Variants in PTDSS2 observed in about 807,000 individuals in gnomAD.
PTDSS2 encodes the protein phosphatidylserine synthase 2.
Under a neutral mutation model 64.7 loss-of-function variants are expected in PTDSS2, and 41 were observed. That is an observed-to-expected ratio of 0.63 (90% CI 0.49 to 0.82). The LOEUF (loss-of-function observed/expected upper bound fraction) is 0.82, where lower values mean the gene tolerates loss of function less well. Among genes scored for constraint, PTDSS2 ranks in the 40% least tolerant of loss-of-function variants. PTDSS2 has a pLI of 0.00. For missense variants in PTDSS2, 485 were observed against 650.0 expected (o/e 0.75, Z 2.76); for synonymous variants, 297 against 277.8 (o/e 1.07, Z -0.69).
At chr11:481,399 AT>A (rs1848065853) in intron 4 of PTDSS2, among the ~76,000 whole-genome samples, 1 of 152,156 alleles carries the variant, frequency 6.6e-6, no homozygotes, top group Admixed American at 6.5e-5. Flanking sequence ...AACAGGTGGA[AT>A]TTTTTATGGG....
At position 462,511 on chromosome 11, in the gene PTDSS2, A is replaced by T. The variant is rs1846938705; in HGVS notation, c.284+2223A>T. On this transcript the variant is annotated intron_variant, in intron 2 of 11. Transcript: ENST00000308020. This position sits in a 1 kb window ranked among gnomAD's most constrained non-coding sequence, Gnocchi z 4.5. ...CCTCTTTGAGGGCACAAAAGAAGCC[A>T]CCTGTCCTTCTCTGCTGCTGGCACC... Among the ~76,000 whole-genome samples, 1 of 152,136 alleles carries T rather than the reference A, an allele frequency of 6.6e-6. No homozygotes were observed. Among genetic ancestry groups the T allele is most frequent in the South Asian group, 2.1e-4 (1 of 4,824 alleles).
In PTDSS2 at chr11:460,094, C is replaced by T; in HGVS notation, c.183-93C>T. 1 of 980,206 alleles carries T rather than the reference C, an allele frequency of 1.0e-6. No homozygotes were observed. The highest frequency in any genetic ancestry group is 1.6e-6 in the Non-Finnish European group (1 of 627,894). 60.7% of individuals were successfully genotyped at this position (980,206 alleles called of 1,614,324 possible). A position where few individuals can be genotyped will look rare whatever the true frequency, so the allele number is the denominator to read the frequency against. On this transcript the variant is annotated intron_variant, in intron 1 of 11. Coordinates refer to ENST00000308020, the MANE Select transcript of PTDSS2 (RefSeq NM_030783.3). This position sits in a 1 kb window ranked among gnomAD's most constrained non-coding sequence, Gnocchi z 5.8. ...TTGGAGAGTGGAGTTTAAGCCCTCTCCTTGACGTAGAGAGGATTTGGGGCC... is the reference window on the plus strand; with the variant it reads ...TTGGAGAGTGGAGTTTAAGCCCTCTTCTTGACGTAGAGAGGATTTGGGGCC...
At position 470,880 on chromosome 11, in the gene PTDSS2, A is replaced by G. The variant is rs1006935352; in HGVS notation, c.285-3015A>G. Among the ~76,000 whole-genome samples, 3 of 151,932 alleles carry G rather than the reference A, an allele frequency of 2.0e-5. No individual in the cohort carries two copies. Among genetic ancestry groups the G allele is most frequent in the Admixed American group, 2.0e-4 (3 of 15,246 alleles). Reference sequence around the variant, plus strand: ...TGGGATTACAGGCGTGAGCCACCGCACCCAGCCAGCACCGGCTTATTAATG... The same window carrying G: ...TGGGATTACAGGCGTGAGCCACCGCGCCCAGCCAGCACCGGCTTATTAATG... On this transcript the variant is annotated intron_variant, in intron 2 of 11. Transcript: ENST00000308020. This position sits in a 1 kb window ranked among gnomAD's most constrained non-coding sequence, Gnocchi z 5.3.
chr11:474,205 C>G (rs538163024), intron 3 of PTDSS2, among the ~76,000 whole-genome samples: 18 of 152,356 alleles, frequency 1.2e-4, no homozygotes, highest in African/African-American at 4.3e-4. Context: ...GGCCCTTTCA[C>G]TCTTCCCTGT....
chr11:477,556 C>T (rs1847865504), intron 3 of PTDSS2, among the ~76,000 whole-genome samples: 1 of 152,142 alleles, frequency 6.6e-6, no homozygotes. Context: ...GTCCGAGATG[C>T]CACCTTTCTG....
chr11:490,048 C>G lies in PTDSS2; in HGVS notation c.1281C>G (p.Thr427=). The change falls in exon 11 of 12, where the codon ACC becomes ACG. Residue 427 remains threonine (T), a synonymous_variant. Transcript: ENST00000308020. ...GCTCCGTCCTGGCGCTCACCTGGAC[C>G]GTCTGGCGCTTCTTCCTGCGGTGAG... ...TLGSVLALTW[T]VWRFFLRDIT... The G allele has an allele frequency of 6.2e-7, 1 of 1,608,792 alleles. No individual in the cohort carries two copies. Among genetic ancestry groups the G allele is most frequent in the Non-Finnish European group, 8.5e-7 (1 of 1,179,678 alleles).
At chr11:486,322 G>A (rs1286168414) in intron 4 of PTDSS2, among the ~76,000 whole-genome samples, 2 of 152,318 alleles carry the variant, frequency 1.3e-5, no homozygotes, top group African/African-American at 4.8e-5. Flanking sequence ...GCGCGCCGCA[G>A]TAACTCAGGG....
intron 2 of PTDSS2, among the ~76,000 whole-genome samples, chr11:471,815 CGGCCTGGGGTGACGCGGATGGT>C (rs1564975329): frequency 2.4e-4 from 29 of 122,276 alleles, no homozygotes; most frequent in Admixed American, 1.8e-3. Flanking sequence ...ACGTGGATGG[CGGCCTGGGGTGACGCGGATGGT>C]GGCCTGGGGT....
Position 479,140 on chromosome 11 carries a change from T to C in PTDSS2, c.423T>C (p.Phe141=). 1 of 1,614,028 alleles carries C rather than the reference T, an allele frequency of 6.2e-7. No individual in the cohort carries two copies. The highest frequency in any genetic ancestry group is 8.5e-7 in the Non-Finnish European group (1 of 1,179,852). Residue 141 remains phenylalanine, a synonymous_variant, in exon 4 of 12, where the codon TTT becomes TTC. Coordinates refer to ENST00000308020, the MANE Select transcript of PTDSS2 (RefSeq NM_030783.3). This position sits in a 1 kb window ranked among gnomAD's most constrained non-coding sequence, Gnocchi z 4.2. The part of the protein sequence containing the change: ...VSVVYELFLI[F]ILFQTVQDGR... ...TGGTCTACGAGCTGTTTCTCATCTT[T>C]ATACTCTTCCAGGTAAGCTGTTTTT...
intron 2 of PTDSS2, among the ~76,000 whole-genome samples, chr11:467,886 C>T (rs1327329288): frequency 1.3e-5 from 2 of 152,162 alleles, no homozygotes; most frequent in Non-Finnish European, 1.5e-5. Context: ...CTTATAATCC[C>T]AGCAGTTTGG....
intron 1 of PTDSS2, among the ~76,000 whole-genome samples, chr11:454,674 G>A (rs530735588): frequency 2.0e-5 from 3 of 152,086 alleles, no homozygotes; most frequent in Non-Finnish European, 4.4e-5. Flanking sequence ...GTGTGGTGGC[G>A]GGCGCCTGTA....
intron 3 of PTDSS2, among the ~76,000 whole-genome samples, chr11:474,938 A>G (rs1033806435): frequency 1.3e-5 from 2 of 149,494 alleles, no homozygotes; most frequent in Non-Finnish European, 3.0e-5. Flanking sequence ...CGTTTATGAT[A>G]CGGACATAAT....
At chr11:486,813 A>T (rs1848413445) in intron 4 of PTDSS2, 126 bp from the exon 5 acceptor site, 2 of 1,286,506 alleles carry the variant, frequency 1.6e-6, no homozygotes, top group Non-Finnish European at 1.0e-6. Context: ...ACGCCACTGC[A>T]TTCCAGCCTG....
Position 450,647 on chromosome 11 carries a change from G to A in PTDSS2, c.182+10G>A. ...CCAACACCTTCTTCTGGTGAGGGCA[G>A]TGGGCGGCCGCGGGGCGGCGAGGGT... On this transcript the variant is annotated intron_variant, in intron 1 of 11. Coordinates refer to ENST00000308020, the MANE Select transcript of PTDSS2 (RefSeq NM_030783.3). 8.0e-7 allele frequency: 1 copy of A among 1,243,284 alleles called. No homozygotes were observed. The highest frequency in any genetic ancestry group is 1.0e-6 in the Non-Finnish European group (1 of 986,072). The allele number at this position is 1,243,284 out of a possible 1,614,324, so 77.0% of individuals were successfully genotyped here.
intron 2 of PTDSS2, among the ~76,000 whole-genome samples, chr11:468,879 GAGA>G (rs1847262190): frequency 6.6e-6 from 1 of 150,454 alleles, no homozygotes; most frequent in African/African-American, 2.5e-5. Context: ...TGAATAATTG[GAGA>G]AGGAGGGGAG....
intron 2 of PTDSS2, among the ~76,000 whole-genome samples, chr11:469,317 AG>A (rs1437630242): frequency 2.5e-3 from 138 of 56,130 alleles, no homozygotes; most frequent in African/African-American, 3.8e-3. Flanking sequence ...GGGTAATCGG[AG>A]GGAGGAGGAG....
chr11:487,515 C>G (rs757309819), intron 6 of PTDSS2, 45 bp downstream of exon 6: 23 of 1,571,678 alleles, frequency 1.5e-5, no homozygotes, highest in Non-Finnish European at 1.7e-5. Flanking sequence ...GGTTCTGAGG[C>G]CTGCCGTGGG....
At chr11:480,171 T>C (rs1848004453) in intron 4 of PTDSS2, 2 of 153,616 alleles carry the variant, frequency 1.3e-5, no homozygotes. Context: ...GCACAGTGCC[T>C]CTGAGGTTCA....
intron 1 of PTDSS2, among the ~76,000 whole-genome samples, chr11:455,681 G>T (rs1034520041): frequency 6.6e-6 from 1 of 152,254 alleles, no homozygotes; most frequent in Non-Finnish European, 1.5e-5. Context: ...CTCCCTTCTT[G>T]CTATGGTCTC....
Sources: allele counts gnomAD v4.1 joint callset (sites outside exome capture counted in the v4.1 genomes callset), GRCh38; gene constraint gnomAD v4.1.1; non-coding constraint Gnocchi (gnomAD v3.1); transcripts MANE v1.5; gene names NCBI Gene and HGNC (gene_info 2026-07-23, HGNC 2026-07-21).